GPD2: variants seen among roughly 807,000 people sequenced by gnomAD.
GPD2 encodes the protein glycerol-3-phosphate dehydrogenase 2.
A neutral mutation model predicts 82.4 loss-of-function variants in GPD2; 54 were observed. The ratio of observed to expected loss-of-function variants is 0.66; its 90% CI spans 0.53 to 0.82. The LOEUF (loss-of-function observed/expected upper bound fraction) is 0.82, where lower values mean the gene tolerates loss of function less well. GPD2 is among the 40% of genes least tolerant of loss of function. The probability of loss-of-function intolerance (pLI) is 0.00; values close to 1 mark genes in which losing one functional copy is unlikely to be tolerated. For missense variants in GPD2, 748 were observed against 896.2 expected (o/e 0.83, Z 2.11); for synonymous variants, 288 against 306.1 (o/e 0.94, Z 0.62).
At chr2:156,532,812 T>G (rs1685917919) in intron 6 of GPD2, among the ~76,000 whole-genome samples, 1 of 152,236 alleles carries the variant, frequency 6.6e-6, no homozygotes, top group Non-Finnish European at 1.5e-5. Flanking sequence ...TTTCCTCCTC[T>G]GTGACCCACA....
chr2:156,424,116 C>T, the GPD2 span, among the ~76,000 whole-genome samples: 1 of 151,564 alleles, frequency 6.6e-6, no homozygotes, highest in Non-Finnish European at 1.5e-5. Flanking sequence ...AGCAGCAGCC[C>T]ATCATCCAGG....
chr2:156,439,944 C>A (rs1682109528), intron 1 of GPD2, among the ~76,000 whole-genome samples: 2 of 151,540 alleles, frequency 1.3e-5, no homozygotes, highest in Non-Finnish European at 1.5e-5. Context: ...TATTTTTTAC[C>A]TGGAGTATAA....
intron 8 of GPD2, 58 bp downstream of exon 8, chr2:156,550,804 C>T: frequency 7.1e-7 from 1 of 1,418,032 alleles, no homozygotes; most frequent in South Asian, 1.2e-5. Context: ...CAGAGATTGT[C>T]TGGTTTATTT....
At chr2:156,448,200 C>G (rs1225884887) in intron 1 of GPD2, among the ~76,000 whole-genome samples, 1 of 152,000 alleles carries the variant, frequency 6.6e-6, no homozygotes, top group Non-Finnish European at 1.5e-5. Flanking sequence ...CCTCCGCCTC[C>G]CAGGTACAAG....
At chr2:156,503,424 T>A (rs1418389192) in intron 3 of GPD2, among the ~76,000 whole-genome samples, 1 of 152,170 alleles carries the variant, frequency 6.6e-6, no homozygotes, top group Non-Finnish European at 1.5e-5. Context: ...TTTGAGTCAA[T>A]TATGTCCTTT....
chr2:156,406,813 T>C, the GPD2 span, among the ~76,000 whole-genome samples: 5 of 152,348 alleles, frequency 3.3e-5, no homozygotes, highest in Non-Finnish European at 5.9e-5. Flanking sequence ...AGCTCTTTCT[T>C]CTTCTTCTTC....
rs758275441 is a variant in GPD2, at chr2:156,585,785, A to G, written c.*2867A>G. The G allele has an allele frequency of 2.6e-5, 4 of 152,520 alleles. 1 individual carries two copies. Among genetic ancestry groups the G allele is most frequent in the South Asian group, 4.1e-4 (2 of 4,830 alleles). 9.4% of individuals were successfully genotyped at this position (152,520 alleles called of 1,614,324 possible). A position where few individuals can be genotyped will look rare whatever the true frequency, so the allele number is the denominator to read the frequency against. On this transcript the variant is annotated 3_prime_UTR_variant, in exon 17 of 17. Coordinates refer to ENST00000438166, the MANE Select transcript of GPD2 (RefSeq NM_000408.5). Reference sequence around the variant, plus strand: ...GCATATGAATGTAATATTAAAGTCAATGATGCTATAACTTGCGATGTTTGC... The same window carrying G: ...GCATATGAATGTAATATTAAAGTCAGTGATGCTATAACTTGCGATGTTTGC...
chr2:156,459,161 A>G (rs1682891662), intron 1 of GPD2, among the ~76,000 whole-genome samples: 1 of 152,184 alleles, frequency 6.6e-6, no homozygotes, highest in African/African-American at 2.4e-5. Context: ...AAGAAATTCT[A>G]GAATGTCTAA....
chr2:156,427,876 T>G, the GPD2 span, among the ~76,000 whole-genome samples: 5 of 152,330 alleles, frequency 3.3e-5, no homozygotes, highest in Middle Eastern at 3.4e-3. Context: ...TCTTCCAGTT[T>G]CTGGTGGCTG....
At chr2:156,423,378 T>C in the GPD2 span, among the ~76,000 whole-genome samples, 1 of 152,190 alleles carries the variant, frequency 6.6e-6, no homozygotes, top group Non-Finnish European at 1.5e-5. Context: ...TTTGTATATA[T>C]ATTTTCATGT....
chr2:156,565,619 T>A (rs898402826), intron 9 of GPD2, among the ~76,000 whole-genome samples: 2 of 152,102 alleles, frequency 1.3e-5, no homozygotes, highest in African/African-American at 4.8e-5. Flanking sequence ...GGATTATGGG[T>A]TTGATTAAAC....
intron 6 of GPD2, among the ~76,000 whole-genome samples, chr2:156,527,784 G>A (rs1306297494): frequency 1.3e-5 from 2 of 151,968 alleles, no homozygotes; most frequent in East Asian, 3.9e-4. Flanking sequence ...GGATAGACCA[G>A]GTAAATCAGT....
chr2:156,465,426 C>T (rs903487222), intron 1 of GPD2, among the ~76,000 whole-genome samples: 1 of 145,510 alleles, frequency 6.9e-6, no homozygotes, highest in Admixed American at 7.1e-5. Context: ...CAGTGGTGCC[C>T]TCATAGCTCA....
At position 156,557,520 on chromosome 2, in the gene GPD2, CAGA is replaced by C; in HGVS notation, c.1110_1112del (p.Glu370del). The C allele has an allele frequency of 1.9e-6, 3 of 1,600,406 alleles. No homozygotes were observed. The highest frequency in any genetic ancestry group is 1.7e-6 in the Non-Finnish European group (2 of 1,167,576). On this transcript the variant is annotated inframe_deletion, in exon 9 of 17. Transcript: ENST00000438166. ...GATGTTACACACCATCCAATTCCTT[CAGA>C]AGAAGATATCAACTTCATTTTGAAT... is the stretch of plus-strand genomic sequence containing the variant.
intron 1 of GPD2, among the ~76,000 whole-genome samples, chr2:156,447,318 G>T (rs192070721): frequency 6.6e-6 from 1 of 151,558 alleles, no homozygotes; most frequent in East Asian, 1.9e-4. Flanking sequence ...ATCTGTCTTC[G>T]ATCTCAGATG....
chr2:156,579,255 AT>A (rs1237348601), intron 15 of GPD2, 91 bp downstream of exon 15: 1 of 754,772 alleles, frequency 1.3e-6, no homozygotes, highest in African/African-American at 1.8e-5. Context: ...TACAAGTAAT[AT>A]TTTTGTTATA....
In GPD2 at chr2:156,504,487, G is replaced by T. The variant is rs898004869; in HGVS notation, c.275-6309G>T. On this transcript the variant is annotated intron_variant, in intron 3 of 16. Coordinates refer to ENST00000438166, the MANE Select transcript of GPD2 (RefSeq NM_000408.5). ...ACATACAAAGCATCTTAAATTTTTT[G>T]ATTTTTTGTGCTATTATCTTGGTGT... Among the ~76,000 whole-genome samples, 6 of 151,130 alleles carry T rather than the reference G, an allele frequency of 4.0e-5. No individual in the cohort carries two copies. In the South Asian group the frequency reaches 8.4e-4, roughly 21 times the overall value.
rs767343139 is a variant in GPD2 at position 156,549,613 on chromosome 2, C to T, written c.667C>T (p.His223Tyr). 1 of 1,614,022 alleles carries T rather than the reference C, an allele frequency of 6.2e-7. No individual in the cohort carries two copies. ...TGATGCTTTCCCCGCTGCAGGACAACATAACGATGCACGGATGAACCTTGC... is the reference window on the plus strand; with the variant it reads ...TGATGCTTTCCCCGCTGCAGGACAATATAACGATGCACGGATGAACCTTGC... Reference protein sequence around the residue: ...VGAIVYYDGQHNDARMNLAIA... With the variant: ...VGAIVYYDGQYNDARMNLAIA... The change falls in exon 7 of 17, where the codon CAT (histidine) becomes TAT (tyrosine). Residue 223 changes from histidine to tyrosine, a missense_variant. Transcript: ENST00000438166.
At position 156,459,133 on chromosome 2, in the gene GPD2, AT is replaced by A. The variant is rs1218428284; in HGVS notation, c.-8-16963del. ...CCAGAGTGTACTTAACTCAGAAAGG[AT>A]TAATTCCTACAAGGTGAAGAAATTC... is the stretch of plus-strand genomic sequence containing the variant. On this transcript the variant is annotated intron_variant, in intron 1 of 16. Coordinates refer to ENST00000438166, the MANE Select transcript of GPD2 (RefSeq NM_000408.5). 6.6e-5 allele frequency among the ~76,000 whole-genome samples: 10 copies of A among 152,302 alleles called. No individual in the cohort carries two copies. The East Asian group carries it at 1.9e-3, about 29-fold the overall frequency.
Sources: gnomAD v4.1 joint callset for allele counts (sites outside exome capture counted in the v4.1 genomes callset) on GRCh38, gnomAD v4.1.1 for gene constraint, MANE v1.5 for transcripts, NCBI Gene and HGNC (gene_info 2026-07-23, HGNC 2026-07-21) for gene names.